Variants in PDE7B observed in about 807,000 individuals in gnomAD.
PDE7B encodes the protein phosphodiesterase 7B.
A neutral mutation model predicts 56.2 loss-of-function variants in PDE7B; 29 were observed. The observed-to-expected ratio is 0.52, with a 90% CI of 0.38 to 0.70. The LOEUF is 0.70. PDE7B is among the 30% of genes least tolerant of loss of function. The pLI is 0.00. For missense variants in PDE7B, 490 were observed against 565.0 expected, an observed-to-expected ratio of 0.87 and a Z score of 1.35; for synonymous variants, 197 against 196.9, an observed-to-expected ratio of 1.00 and a Z score of 0.00.
At chr6:136,108,920 C>T in intron 3 of PDE7B, 106 bp downstream of exon 3, 1 of 749,082 alleles carries the variant, frequency 1.3e-6, no homozygotes, top group Non-Finnish European at 2.4e-6. Flanking sequence ...GTCTGCCTTC[C>T]TTCCTGAATC....
chr6:135,895,838 G>A (rs893061252), intron 1 of PDE7B, among the ~76,000 whole-genome samples: 1 of 152,056 alleles, frequency 6.6e-6, no homozygotes, highest in Non-Finnish European at 1.5e-5. Context: ...AGGAGGATTT[G>A]GGCAATAAAA....
chr6:136,173,052 C>A (rs1348447077), intron 8 of PDE7B, among the ~76,000 whole-genome samples: 1 of 152,010 alleles, frequency 6.6e-6, no homozygotes. Flanking sequence ...TAGGAAGAAT[C>A]AATATCATGA....
intron 3 of PDE7B, among the ~76,000 whole-genome samples, chr6:136,125,972 G>T (rs1384363506): frequency 6.6e-6 from 1 of 151,708 alleles, no homozygotes; most frequent in Non-Finnish European, 1.5e-5. Flanking sequence ...ATTCTCATAA[G>T]TTAAAAAAAA....
At chr6:136,051,462 G>A (rs551095101) in intron 2 of PDE7B, among the ~76,000 whole-genome samples, 7 of 152,300 alleles carry the variant, frequency 4.6e-5, no homozygotes, top group Admixed American at 6.5e-5. Flanking sequence ...TAGCCCCTGC[G>A]AGGAGGCTCT....
chr6:135,995,920 GTTAA>G (rs1453817730), intron 2 of PDE7B, among the ~76,000 whole-genome samples: 1 of 152,160 alleles, frequency 6.6e-6, no homozygotes, highest in East Asian at 1.9e-4. Context: ...TAATTTAATT[GTTAA>G]TTAACACCAT....
At chr6:136,013,836 C>T (rs912988248) in intron 2 of PDE7B, among the ~76,000 whole-genome samples, 22 of 152,314 alleles carry the variant, frequency 1.4e-4, no homozygotes, top group Admixed American at 7.8e-4. Flanking sequence ...CAGTAGTGTG[C>T]TACATTGAAG....
At chr6:135,926,140 G>A (rs1017961295) in intron 1 of PDE7B, among the ~76,000 whole-genome samples, 33 of 144,784 alleles carry the variant, frequency 2.3e-4, no homozygotes, top group African/African-American at 7.1e-4. Flanking sequence ...AGGCTGCAGT[G>A]CAGTGGCGCA....
In PDE7B at chr6:136,135,598, A is replaced by C. The variant is rs527639258; in HGVS notation, c.167-11753A>C. ...ACCCATCATTTTCTGACCACTGAGA[A>C]TAGACACAGTAAGAAATAAACAAAT... On this transcript the variant is annotated intron_variant, in intron 3 of 12. Coordinates refer to ENST00000308191, the MANE Select transcript of PDE7B (RefSeq NM_018945.4). 2.0e-5 allele frequency among the ~76,000 whole-genome samples: 3 copies of C among 152,126 alleles called. No individual in the cohort carries two copies. The East Asian group carries it at 5.8e-4, about 29-fold the overall frequency.
At chr6:135,925,911 A>C (rs771551238) in intron 1 of PDE7B, among the ~76,000 whole-genome samples, 1 of 152,152 alleles carries the variant, frequency 6.6e-6, no homozygotes, top group Non-Finnish European at 1.5e-5. Flanking sequence ...GTAGGTGAGA[A>C]GCAGTGGATT....
chr6:136,053,815 A>C (rs1028972860), intron 2 of PDE7B, among the ~76,000 whole-genome samples: 13 of 152,088 alleles, frequency 8.5e-5, no homozygotes, highest in African/African-American at 2.9e-4. Flanking sequence ...GCCAGTGATG[A>C]TGAGCATTTT....
chr6:135,883,807 G>A (rs1332559576), intron 1 of PDE7B, among the ~76,000 whole-genome samples: 2 of 152,188 alleles, frequency 1.3e-5, no homozygotes, highest in Non-Finnish European at 2.9e-5. Context: ...CCATGCCGAA[G>A]CTCTTTCCTG....
At chr6:135,895,773 C>CT (rs985023471) in intron 1 of PDE7B, among the ~76,000 whole-genome samples, 5 of 151,968 alleles carry the variant, frequency 3.3e-5, no homozygotes, top group African/African-American at 1.2e-4. Flanking sequence ...AAGCCTTTAG[C>CT]TTGAGTGTTC....
chr6:135,927,928 TAAAC>T (rs1035360167), intron 1 of PDE7B, among the ~76,000 whole-genome samples: 1 of 152,002 alleles, frequency 6.6e-6, no homozygotes, highest in African/African-American at 2.4e-5. Flanking sequence ...GTAAGGAACT[TAAAC>T]AACAAACAAG....
chr6:136,187,508 C>T (rs1216607691), intron 12 of PDE7B, among the ~76,000 whole-genome samples: 4 of 152,172 alleles, frequency 2.6e-5, no homozygotes, highest in Admixed American at 1.3e-4. Context: ...CGCTACCCCT[C>T]ATCCCTAATG....
At position 135,953,733 on chromosome 6, in the gene PDE7B, C is replaced by A. The variant is rs183098748; in HGVS notation, c.82+6209C>A. The stretch of plus-strand genomic sequence containing the variant: ...TCAAGTGAATAGATATTTTCAAGTG[C>A]ATGTTGGCAATTTAGTAATGAACAT... On this transcript the variant is annotated intron_variant, in intron 2 of 12. Transcript: ENST00000308191. Among the ~76,000 whole-genome samples, 13 of 152,136 alleles carry A rather than the reference C, an allele frequency of 8.5e-5. No individual in the cohort carries two copies. In the East Asian group the frequency reaches 2.5e-3, roughly 29 times the overall value.
At chr6:135,956,768 CA>C (rs1384224231) in intron 2 of PDE7B, among the ~76,000 whole-genome samples, 2 of 150,092 alleles carry the variant, frequency 1.3e-5, no homozygotes, top group Non-Finnish European at 3.0e-5. Flanking sequence ...GGTGACAGAG[CA>C]AGACCCTCTC....
At chr6:135,935,186 T>TTTTATATATATTTATATTTA (rs1404954510) in intron 1 of PDE7B, among the ~76,000 whole-genome samples, 3 of 38,448 alleles carry the variant, frequency 7.8e-5, no homozygotes, top group African/African-American at 4.4e-4. Flanking sequence ...ATATATATAT[T>TTTTATATATATTTATATTTA]TATTTATATA....
chr6:136,131,754 T>C (rs748401338), intron 3 of PDE7B, among the ~76,000 whole-genome samples: 7 of 152,166 alleles, frequency 4.6e-5, no homozygotes, highest in Non-Finnish European at 1.0e-4. Flanking sequence ...TAATACTTCA[T>C]TTGTACATTT....
At chr6:135,878,741 A>C (rs772463258) in intron 1 of PDE7B, among the ~76,000 whole-genome samples, 27 of 152,274 alleles carry the variant, frequency 1.8e-4, no homozygotes, top group Non-Finnish European at 3.7e-4. Context: ...TTCTATCCTT[A>C]CCAAAAATCT....
Sources: gnomAD v4.1 joint callset for allele counts (sites outside exome capture counted in the v4.1 genomes callset) on GRCh38, gnomAD v4.1.1 for gene constraint, MANE v1.5 for transcripts, NCBI Gene and HGNC (gene_info 2026-07-23, HGNC 2026-07-21) for gene names.